SOS1: variants seen among roughly 807,000 people sequenced by gnomAD.
SOS1 encodes the protein son of sevenless homolog 1.
Under a neutral mutation model 157.6 loss-of-function variants are expected in SOS1, and 25 were observed. The ratio of observed to expected loss-of-function variants is 0.16; its 90% confidence interval spans 0.12 to 0.22. The LOEUF is 0.22. Ranked by LOEUF, SOS1 falls within the 10% of genes least tolerant of loss-of-function variation. SOS1 has a pLI of 1.00. For synonymous variants in SOS1, 528 were observed against 534.0 expected, an observed-to-expected ratio of 0.99 and a Z score of 0.16; for missense variants, 1,237 against 1,599.1, an observed-to-expected ratio of 0.77 and a Z score of 3.86.
At chr2:39,116,866 A>T (rs1390986807) in intron 1 of SOS1, among the ~76,000 whole-genome samples, 1 of 152,152 alleles carries the variant, frequency 6.6e-6, no homozygotes, top group Non-Finnish European at 1.5e-5. Flanking sequence ...AAACAAAAAC[A>T]AACAAAAGAA....
intron 19 of SOS1, 92 bp downstream of exon 19, chr2:38,996,830 A>G: frequency 2.6e-6 from 2 of 767,120 alleles, no homozygotes; most frequent in Admixed American, 1.8e-5. Flanking sequence ...TTTAACTATC[A>G]CATGTATACT....
chr2:39,095,264 T>C (rs1310619613), intron 1 of SOS1, among the ~76,000 whole-genome samples: 1 of 152,158 alleles, frequency 6.6e-6, no homozygotes, highest in African/African-American at 2.4e-5. Flanking sequence ...ACCACAAAAC[T>C]GTTTATATCT....
At chr2:39,096,392 T>C (rs1672763521) in intron 1 of SOS1, among the ~76,000 whole-genome samples, 1 of 152,222 alleles carries the variant, frequency 6.6e-6, no homozygotes, top group African/African-American at 2.4e-5. Flanking sequence ...TTCTTTCTCA[T>C]ATGTTTTAAG....
At chr2:39,016,657 G>A (rs1306161499) in intron 10 of SOS1, among the ~76,000 whole-genome samples, 2 of 152,058 alleles carry the variant, frequency 1.3e-5, no homozygotes. Flanking sequence ...CATACCCGCA[G>A]TACAGAGTAC....
chr2:39,058,117 A>G (rs1033287467), intron 3 of SOS1, among the ~76,000 whole-genome samples: 1 of 152,110 alleles, frequency 6.6e-6, no homozygotes, highest in Non-Finnish European at 1.5e-5. Flanking sequence ...GTGAAAGGTA[A>G]TAGTAGTTCG....
intron 1 of SOS1, among the ~76,000 whole-genome samples, chr2:39,087,590 T>A (rs1162647866): frequency 6.6e-6 from 1 of 152,232 alleles, no homozygotes; most frequent in Non-Finnish European, 1.5e-5. Context: ...CTCCAAAGTC[T>A]CAAGCGTCTC....
chr2:39,099,611 C>T (rs965355884), intron 1 of SOS1, among the ~76,000 whole-genome samples: 2 of 152,216 alleles, frequency 1.3e-5, no homozygotes, highest in Non-Finnish European at 1.5e-5. Context: ...ACCAAAAGCC[C>T]AGGCAACAAA....
Position 38,995,295 on chromosome 2 carries a change from C to G in SOS1, c.3174G>C (p.Gln1058His). ...GTMRHPTPLQ[Q>H]EPRKISYSRI... ...TACTATAACTAATTTTCCTTGGCTC[C>G]TGCTGCAGAGGTGTGGGATGCCTCA... is the stretch of plus-strand genomic sequence containing the variant. The change falls in exon 20 of 23, where the codon CAG becomes CAC. Residue 1058 changes from glutamine to histidine, a missense_variant. Transcript: ENST00000402219. 1 of 1,613,990 alleles carries G rather than the reference C, an allele frequency of 6.2e-7. No homozygotes were observed. Among genetic ancestry groups the G allele is most frequent in the Non-Finnish European group, 8.5e-7 (1 of 1,179,962 alleles).
chr2:39,109,929 T>G (rs1673351546), intron 1 of SOS1, among the ~76,000 whole-genome samples: 1 of 152,136 alleles, frequency 6.6e-6, no homozygotes, highest in Non-Finnish European at 1.5e-5. Flanking sequence ...AGTATTACAC[T>G]ACCTAACGTC....
intron 19 of SOS1, among the ~76,000 whole-genome samples, chr2:38,996,108 G>A (rs1333790960): frequency 6.6e-6 from 1 of 150,914 alleles, no homozygotes; most frequent in Non-Finnish European, 1.5e-5. Context: ...TTTTTGAGAC[G>A]AGTCTTGCTC....
intron 1 of SOS1, among the ~76,000 whole-genome samples, chr2:39,074,476 A>AT (rs1446803939): frequency 3.3e-5 from 5 of 152,180 alleles, no homozygotes; most frequent in Non-Finnish European, 7.4e-5. Context: ...AGGCAGGAGA[A>AT]TTGCTTGAAC....
chr2:39,114,528 C>T (rs1318334951), intron 1 of SOS1, among the ~76,000 whole-genome samples: 1 of 152,084 alleles, frequency 6.6e-6, no homozygotes, highest in Non-Finnish European at 1.5e-5. Flanking sequence ...GTATCGAACT[C>T]CTGACCTCAG....
At chr2:39,046,937 G>T (rs1670808333) in intron 6 of SOS1, among the ~76,000 whole-genome samples, 4 of 152,106 alleles carry the variant, frequency 2.6e-5, no homozygotes, top group African/African-American at 4.8e-5. Context: ...CTTGGTCATT[G>T]TATGTTTGAA....
chr2:39,122,876 T>C (rs1673943068), upstream of SOS1, among the ~76,000 whole-genome samples: 1 of 152,044 alleles, frequency 6.6e-6, no homozygotes, highest in Non-Finnish European at 1.5e-5. Context: ...GGTTGTGATA[T>C]GGGGGAAGAG....
intron 2 of SOS1, among the ~76,000 whole-genome samples, chr2:39,061,480 T>C (rs1230990404): frequency 6.6e-6 from 1 of 152,146 alleles, no homozygotes; most frequent in African/African-American, 2.4e-5. Flanking sequence ...CTCAGCCTCC[T>C]GGGCTCAAGT....
chr2:39,013,591 C>CATACATA (rs764445250), intron 12 of SOS1, 28 bp from the exon 13 acceptor site: 2 of 1,352,950 alleles, frequency 1.5e-6, no homozygotes, highest in Non-Finnish European at 2.1e-6. Context: ...AATTGAATTA[C>CATACATA]ATGGGAATCA....
At chr2:39,123,977 G>C (rs1236191128), upstream of SOS1, among the ~76,000 whole-genome samples, 1 of 152,198 alleles carries the variant, frequency 6.6e-6, no homozygotes, top group African/African-American at 2.4e-5. Flanking sequence ...CCTGGGCTAG[G>C]CTTGCTTAGC....
At chr2:39,042,529 G>C (rs1670606412) in intron 6 of SOS1, among the ~76,000 whole-genome samples, 1 of 151,720 alleles carries the variant, frequency 6.6e-6, no homozygotes, top group Middle Eastern at 3.4e-3. Flanking sequence ...TCAACCTCCT[G>C]AATAGCTGAG....
chr2:39,036,254 G>A (rs1339324865), intron 6 of SOS1, among the ~76,000 whole-genome samples: 1 of 152,148 alleles, frequency 6.6e-6, no homozygotes, highest in African/African-American at 2.4e-5. Context: ...AGAGGAATAG[G>A]ACATCTAGTG....
Sources: allele counts gnomAD v4.1 joint callset (sites outside exome capture counted in the v4.1 genomes callset), GRCh38; gene constraint gnomAD v4.1.1; transcripts MANE v1.5; gene names NCBI Gene and HGNC (gene_info 2026-07-23, HGNC 2026-07-21).